Variants in NCOA7 observed in about 807,000 individuals in gnomAD.
NCOA7 encodes the protein 140 kDa estrogen receptor-associated protein.
A neutral mutation model predicts 104.3 loss-of-function variants in NCOA7; 45 were observed. That is an observed-to-expected ratio of 0.43 (90% CI 0.34 to 0.55). NCOA7 has a LOEUF of 0.55. NCOA7 is among the 20% of genes least tolerant of loss of function. The pLI is 0.02. For synonymous variants in NCOA7, 398 were observed against 402.3 expected (o/e 0.99, Z 0.13); for missense variants, 1,041 against 1,119.7 (o/e 0.93, Z 1.00).
chr6:125,904,737 A>G (rs11756122), intron 10 of NCOA7, among the ~76,000 whole-genome samples: 2,152 of 152,278 alleles, frequency 0.014, 25 homozygotes, highest in Non-Finnish European at 0.025. Flanking sequence ...CTGGTGCAAA[A>G]CAAAGCTCCC....
intron 1 of NCOA7, among the ~76,000 whole-genome samples, chr6:125,796,277 TAAAAA>T (rs939032865): frequency 2.2e-4 from 34 of 151,266 alleles, no homozygotes; most frequent in African/African-American, 8.2e-4. Context: ...GTAAGATTGA[TAAAAA>T]AAAATTAGGG....
In NCOA7 at chr6:125,857,034, T is replaced by G. The variant is rs190273776; in HGVS notation, c.271+1794T>G. On this transcript the variant is annotated intron_variant, in intron 3 of 15. Transcript: ENST00000392477. Reference sequence around the variant, plus strand: ...AAGCATGTGGTTTGTAGCTTTACAGTGGGCTAAGATGATAGTATAATGTAT... The same window carrying G: ...AAGCATGTGGTTTGTAGCTTTACAGGGGGCTAAGATGATAGTATAATGTAT... Among the ~76,000 whole-genome samples, 100 of 152,314 alleles carry G rather than the reference T, an allele frequency of 6.6e-4. 1 individual carries two copies. The highest frequency in any genetic ancestry group is 2.3e-3 in the African/African-American group (94 of 41,562).
At position 125,890,797 on chromosome 6, in the gene NCOA7, G is replaced by C; in HGVS notation, c.2083G>C (p.Val695Leu). 6.2e-7 allele frequency: 1 copy of C among 1,608,352 alleles called. No homozygotes were observed. Among genetic ancestry groups the C allele is most frequent in the Non-Finnish European group, 8.5e-7 (1 of 1,177,632 alleles). ...AAAGCAGCCAGAGTACTGGTTTGCT[G>C]TTCCTCGGGAGAGGTGAGTATGGGC... ...RRKQPEYWFA[V>L]PRERVDHLYT... The change falls in exon 10 of 16, where the codon GTT becomes CTT. Residue 695 changes from valine (V) to leucine (L), a missense_variant. Around this residue, in one of 2 missense-constraint regions of NCOA7, gnomAD observed 914 missense variants for 942.7 expected, o/e 0.97. Coordinates refer to ENST00000392477, the MANE Select transcript of NCOA7 (RefSeq NM_181782.5).
intron 8 of NCOA7, among the ~76,000 whole-genome samples, chr6:125,886,021 G>C (rs1394430874): frequency 6.6e-6 from 1 of 152,162 alleles, no homozygotes; most frequent in Non-Finnish European, 1.5e-5. Flanking sequence ...CAGATAATCT[G>C]ATTTTTACTG....
chr6:125,886,645 T>C (rs773211110), intron 8 of NCOA7, among the ~76,000 whole-genome samples: 10 of 152,334 alleles, frequency 6.6e-5, no homozygotes, highest in Middle Eastern at 3.4e-3. Flanking sequence ...TACAGGTATA[T>C]AAAGGATTTT....
At chr6:125,894,340 G>A (rs9385389) in intron 10 of NCOA7, among the ~76,000 whole-genome samples, 2 of 151,738 alleles carry the variant, frequency 1.3e-5, no homozygotes, top group African/African-American at 2.4e-5. Context: ...TACTAGACTC[G>A]GGCCTCTGTA....
intron 10 of NCOA7, among the ~76,000 whole-genome samples, chr6:125,911,484 G>A (rs181849537): frequency 6.6e-6 from 1 of 152,336 alleles, no homozygotes; most frequent in East Asian, 1.9e-4. Context: ...GCCAGTCGGT[G>A]ATCCAGCTTC....
At chr6:125,828,339 A>G (rs561063634) in intron 2 of NCOA7, among the ~76,000 whole-genome samples, 2 of 152,390 alleles carry the variant, frequency 1.3e-5, no homozygotes, top group East Asian at 1.9e-4. Context: ...CAAAGTATCC[A>G]TTAAGATTGA....
intron 2 of NCOA7, among the ~76,000 whole-genome samples, chr6:125,842,667 A>G (rs983604501): frequency 1.3e-5 from 2 of 152,206 alleles, no homozygotes. Context: ...AACTGATTCA[A>G]TGCAGATCTA....
chr6:125,819,752 A>C (rs1015524600), intron 2 of NCOA7, among the ~76,000 whole-genome samples: 1 of 152,038 alleles, frequency 6.6e-6, no homozygotes, highest in African/African-American at 2.4e-5. Flanking sequence ...TTCCCCTTGT[A>C]GTTAGAATGC....
At chr6:125,795,086 G>C (rs1775191728) in intron 1 of NCOA7, among the ~76,000 whole-genome samples, 1 of 152,140 alleles carries the variant, frequency 6.6e-6, no homozygotes, top group Admixed American at 6.5e-5. Context: ...TTGTTAAGTT[G>C]GTTGAATTTA....
chr6:125,812,284 T>G (rs578022495), intron 1 of NCOA7, among the ~76,000 whole-genome samples: 21 of 152,258 alleles, frequency 1.4e-4, no homozygotes, highest in Admixed American at 3.9e-4. Flanking sequence ...CCCATTGAAA[T>G]CCTAACCACT....
intron 3 of NCOA7, among the ~76,000 whole-genome samples, chr6:125,868,083 C>T (rs978954686): frequency 6.6e-6 from 1 of 152,162 alleles, no homozygotes; most frequent in Non-Finnish European, 1.5e-5. Flanking sequence ...AAATATTCAT[C>T]ATTAAAGAAG....
intron 2 of NCOA7, among the ~76,000 whole-genome samples, chr6:125,848,041 A>G (rs1191111261): frequency 6.6e-6 from 1 of 152,252 alleles, no homozygotes; most frequent in Admixed American, 6.5e-5. Flanking sequence ...CAACAGACAC[A>G]TGAAAAAATG....
chr6:125,814,492 T>C (rs1437832925), intron 1 of NCOA7, among the ~76,000 whole-genome samples: 1 of 152,206 alleles, frequency 6.6e-6, no homozygotes, highest in African/African-American at 2.4e-5. Context: ...GAACAAACTA[T>C]TGCTTCAGGG....
intron 1 of NCOA7, among the ~76,000 whole-genome samples, chr6:125,791,888 C>T (rs1275834769): frequency 6.6e-6 from 1 of 152,132 alleles, no homozygotes; most frequent in Non-Finnish European, 1.5e-5. Context: ...AAAGTTTATA[C>T]ATCAGAGCTT....
rs1388854498 is a variant in NCOA7, at chr6:125,922,913, T to C, written c.2523+79T>C. ...CAACAGTAGAGAGACTAGTACCATA[T>C]ACTTCCATCACCCAGATTCCACAGT... On this transcript the variant is annotated intron_variant, in intron 13 of 15. Transcript: ENST00000392477. 5.4e-6 allele frequency: 7 copies of C among 1,288,022 alleles called. No homozygotes were observed. The African/African-American group carries it at 7.6e-5, about 14-fold the overall frequency. The allele number at this position is 1,288,022 out of a possible 1,614,324, so 79.8% of individuals were successfully genotyped here.
intron 2 of NCOA7, among the ~76,000 whole-genome samples, chr6:125,826,036 A>G (rs1179676662): frequency 6.6e-6 from 1 of 152,196 alleles, no homozygotes; most frequent in Non-Finnish European, 1.5e-5. Context: ...ACGAAATGGC[A>G]TTATTTTGGC....
At chr6:125,918,623 G>A (rs1046850371) in intron 11 of NCOA7, among the ~76,000 whole-genome samples, 3 of 152,102 alleles carry the variant, frequency 2.0e-5, no homozygotes, top group African/African-American at 4.8e-5. Flanking sequence ...AAGTGTAGAG[G>A]AGGACTCATC....
Sources: gnomAD v4.1 joint callset for allele counts (sites outside exome capture counted in the v4.1 genomes callset) on GRCh38, gnomAD v4.1.1 for gene constraint, gnomAD v4.1.1 regional missense constraint, MANE v1.5 for transcripts, NCBI Gene and HGNC (gene_info 2026-07-23, HGNC 2026-07-21) for gene names.